CFAP47: variants seen among roughly 807,000 people sequenced by gnomAD.
The protein encoded by CFAP47 is cilia- and flagella-associated protein 47.
In CFAP47, 29 loss-of-function variants were observed where a neutral mutation model predicts 148.1. The ratio of observed to expected loss-of-function variants is 0.20; its 90% CI spans 0.15 to 0.27. The LOEUF is 0.27. Ranked by LOEUF, CFAP47 falls within the 10% of genes least tolerant of loss-of-function variation. CFAP47 has a pLI of 1.00. For synonymous variants in CFAP47, 664 were observed against 577.3 expected, an observed-to-expected ratio of 1.15 and a Z score of -2.15; for missense variants, 1,872 against 1,697.5, an observed-to-expected ratio of 1.10 and a Z score of -1.81.
At chrX:36,123,270 T>TG (rs1938776990) in intron 33 of CFAP47, among the ~76,000 whole-genome samples, 1 of 112,263 alleles carries the variant, frequency 8.9e-6, no homozygotes, top group Admixed American at 9.4e-5. Context: ...ACCCAAGGCC[T>TG]GCTGTAACCA....
chrX:35,931,656 C>G (rs1468889111), intron 2 of CFAP47, among the ~76,000 whole-genome samples: 1 of 111,352 alleles, frequency 9.0e-6, no homozygotes, highest in Non-Finnish European at 1.9e-5. Flanking sequence ...AGGGTTGCAT[C>G]TTGATTTATT....
At chrX:36,363,949 C>G (rs1420486215) in intron 61 of CFAP47, among the ~76,000 whole-genome samples, 1 of 111,163 alleles carries the variant, frequency 9.0e-6, no homozygotes, top group African/African-American at 3.3e-5. Context: ...TTTAACAGGT[C>G]GTAACTTTTT....
intron 62 of CFAP47, among the ~76,000 whole-genome samples, chrX:36,370,762 A>G (rs1456904929): frequency 1.8e-5 from 2 of 111,239 alleles, no homozygotes; most frequent in African/African-American, 6.5e-5. Flanking sequence ...AAACAGGCAG[A>G]CCTAATTATA....
chrX:36,370,831 C>G (rs782359196), intron 62 of CFAP47, among the ~76,000 whole-genome samples: 2 of 110,730 alleles, frequency 1.8e-5, no homozygotes, highest in South Asian at 3.9e-4. Flanking sequence ...TTTAAGGAAT[C>G]AAGAGTAAAA....
At chrX:35,959,544 C>T (rs1274146911) in intron 8 of CFAP47, among the ~76,000 whole-genome samples, 1 of 111,775 alleles carries the variant, frequency 8.9e-6, no homozygotes, top group African/African-American at 3.3e-5. Flanking sequence ...CGCGGTGGCT[C>T]ACGCCTGTAA....
chrX:36,112,505 C>T (rs1029260316), intron 33 of CFAP47, among the ~76,000 whole-genome samples: 7 of 111,211 alleles, frequency 6.3e-5, no homozygotes, highest in East Asian at 2.8e-4. Flanking sequence ...CTTGCTGAAG[C>T]GTGTTTTGTG....
intron 57 of CFAP47, among the ~76,000 whole-genome samples, chrX:36,330,902 A>G (rs1941559706): frequency 9.0e-6 from 1 of 111,555 alleles, no homozygotes; most frequent in South Asian, 3.8e-4. Context: ...ACCTATATCT[A>G]CCTATATCAA....
intron 57 of CFAP47, among the ~76,000 whole-genome samples, chrX:36,325,358 G>A (rs1032398755): frequency 1.6e-4 from 18 of 111,660 alleles, no homozygotes; most frequent in Admixed American, 1.9e-4. Flanking sequence ...CTCACAGACA[G>A]TACGTGCTGG....
chrX:35,954,993 G>C lies in CFAP47; in HGVS notation c.1175-968G>C, dbSNP rs756025942. Among the ~76,000 whole-genome samples, 3 of 112,015 alleles carry C rather than the reference G, an allele frequency of 2.7e-5. No individual in the cohort carries two copies. In the South Asian group the frequency reaches 1.1e-3, roughly 41 times the overall value. ...ATCTGTAATCACTAATCCCAAGTGA[G>C]TTCTTTAAGCTGTTTGGCATTCCCT... On this transcript the variant is annotated intron_variant, in intron 7 of 63. Coordinates refer to ENST00000378653, the MANE Select transcript of CFAP47 (RefSeq NM_001304548.2).
chrX:36,294,884 AAG>A (rs1941227762), intron 51 of CFAP47, among the ~76,000 whole-genome samples: 1 of 111,865 alleles, frequency 8.9e-6, no homozygotes, highest in African/African-American at 3.2e-5. Flanking sequence ...TATATTTTAA[AAG>A]AGTATTCCTC....
chrX:36,325,408 A>G (rs1941510330), intron 57 of CFAP47, among the ~76,000 whole-genome samples: 1 of 111,860 alleles, frequency 8.9e-6, no homozygotes, highest in Non-Finnish European at 1.9e-5. Flanking sequence ...CTTACCCTCT[A>G]CACAGTACTT....
intron 50 of CFAP47, among the ~76,000 whole-genome samples, chrX:36,281,932 T>A (rs893698330): frequency 1.2e-4 from 13 of 111,089 alleles, no homozygotes; most frequent in African/African-American, 4.3e-4. Context: ...AGATGAGAAA[T>A]ATTTCAGAGA....
chrX:36,360,794 A>T (rs1392302415), intron 60 of CFAP47, among the ~76,000 whole-genome samples: 1 of 112,103 alleles, frequency 8.9e-6, no homozygotes, highest in African/African-American at 3.2e-5. Context: ...ATATTTGTTC[A>T]TCATATTGTC....
chrX:36,378,755 G>T (rs1377440346), intron 62 of CFAP47, among the ~76,000 whole-genome samples: 2 of 109,843 alleles, frequency 1.8e-5, no homozygotes, highest in African/African-American at 6.7e-5. Flanking sequence ...TGGCCAGGCT[G>T]GTCTGGAACT....
chrX:36,321,819 CT>C (rs1265201971), intron 57 of CFAP47, among the ~76,000 whole-genome samples: 4 of 112,045 alleles, frequency 3.6e-5, no homozygotes, highest in African/African-American at 1.3e-4. Context: ...ATTTATACGT[CT>C]GCTTATACTT....
At chrX:35,939,686 G>A (rs2146629990) in intron 2 of CFAP47, among the ~76,000 whole-genome samples, 2 of 85,272 alleles carry the variant, frequency 2.3e-5, no homozygotes, top group South Asian at 1.4e-3. Flanking sequence ...TCTTAATCCA[G>A]TCTATCATTG....
In CFAP47 at chrX:36,245,700, G is replaced by C. The variant is rs782579151; in HGVS notation, c.7333-5633G>C. On this transcript the variant is annotated intron_variant, in intron 48 of 63. Coordinates refer to ENST00000378653, the MANE Select transcript of CFAP47 (RefSeq NM_001304548.2). ...AGGGTACAGTAACCAACACAGCATA[G>C]TACTGATGCAAAAACAAACACATAG... Among the ~76,000 whole-genome samples the C allele has an allele frequency of 1.5e-3, 171 of 111,551 alleles. 1 individual carries two copies. Among genetic ancestry groups the C allele is most frequent in the African/African-American group, 5.1e-3 (157 of 30,762 alleles).
chrX:36,266,470 C>A (rs1169513854), intron 49 of CFAP47, among the ~76,000 whole-genome samples: 1 of 110,946 alleles, frequency 9.0e-6, no homozygotes, highest in African/African-American at 3.3e-5. Context: ...GGTGGGAACC[C>A]TTCTGGCAGG....
intron 3 of CFAP47, 134 bp downstream of exon 3, chrX:35,941,532 C>A: frequency 2.8e-6 from 1 of 354,666 alleles, no homozygotes; most frequent in Non-Finnish European, 4.8e-6. Context: ...AACCAAAGGT[C>A]CTTAATAGTA....
Sources: allele counts gnomAD v4.1 joint callset (sites outside exome capture counted in the v4.1 genomes callset), GRCh38; gene constraint gnomAD v4.1.1; transcripts MANE v1.5; gene names NCBI Gene and HGNC (gene_info 2026-07-23, HGNC 2026-07-21).